LDB3: variants seen among roughly 807,000 people sequenced by gnomAD.
LDB3 encodes the protein LIM domain binding 3.
In LDB3, 49 loss-of-function variants were observed where a neutral mutation model predicts 69.0. The observed-to-expected ratio is 0.71, with a 90% confidence interval of 0.56 to 0.90. The LOEUF (loss-of-function observed/expected upper bound fraction) is 0.90, where lower values mean the gene tolerates loss of function less well. Among genes scored for constraint, LDB3 ranks in the 40% least tolerant of loss-of-function variants. The pLI is 0.00. For synonymous variants in LDB3, 387 were observed against 396.2 expected, an observed-to-expected ratio of 0.98 and a Z score of 0.28; for missense variants, 928 against 974.1, an observed-to-expected ratio of 0.95 and a Z score of 0.63.
rs1350612299 is a variant in LDB3 at position 86,710,068 on chromosome 10, A to G, written c.1231+18A>G. The stretch of plus-strand genomic sequence containing the variant: ...CCAGCCAGGTAAGAGGCAGAGCAGG[A>G]GGGGAGGCTGTCGAAAGCCATGGGC... On this transcript the variant is annotated intron_variant, in intron 9 of 13. Coordinates refer to ENST00000361373, the MANE Select transcript of LDB3 (RefSeq NM_007078.3). 1 of 1,611,388 alleles carries G rather than the reference A, an allele frequency of 6.2e-7. No individual in the cohort carries two copies. Among genetic ancestry groups the G allele is most frequent in the African/African-American group, 1.3e-5 (1 of 74,936 alleles).
Position 86,733,040 on chromosome 10 carries a change from C to T in LDB3, c.*64C>T, listed in dbSNP as rs756364513. The T allele has an allele frequency of 1.6e-5, 18 of 1,138,148 alleles. No homozygotes were observed. Among genetic ancestry groups the T allele is most frequent in the Admixed American group, 3.7e-5 (2 of 53,634 alleles). 70.5% of individuals were successfully genotyped at this position (1,138,148 alleles called of 1,614,324 possible). Reference sequence around the variant, plus strand: ...CTCCTGCTGCTGGCAACAAAGGATTCGGGAGGCTGATGTTTCTTCTGAGGG... The same window carrying T: ...CTCCTGCTGCTGGCAACAAAGGATTTGGGAGGCTGATGTTTCTTCTGAGGG... On this transcript the variant is annotated 3_prime_UTR_variant, in exon 14 of 14. Transcript: ENST00000361373.
chr10:86,676,436 G>T (rs1399406991), intron 2 of LDB3, among the ~76,000 whole-genome samples: 2 of 152,124 alleles, frequency 1.3e-5, no homozygotes, highest in Non-Finnish European at 2.9e-5. Flanking sequence ...GGTGGCATGC[G>T]CTTGTGGTCT....
intron 5 of LDB3, among the ~76,000 whole-genome samples, chr10:86,686,310 G>A (rs1048724888): frequency 5.9e-5 from 9 of 152,218 alleles, no homozygotes; most frequent in African/African-American, 9.6e-5. Context: ...GAATCCCTGC[G>A]GGTGCCAGTG....
Position 86,733,087 on chromosome 10 carries a change from G to T in LDB3, c.*111G>T, listed in dbSNP as rs753087057. 2 of 773,172 alleles carry T rather than the reference G, an allele frequency of 2.6e-6. No individual in the cohort carries two copies. Among genetic ancestry groups the T allele is most frequent in the Admixed American group, 4.1e-5 (2 of 48,422 alleles). The allele number at this position is 773,172 out of a possible 1,614,324, so 47.9% of individuals were successfully genotyped here. On this transcript the variant is annotated 3_prime_UTR_variant, in exon 14 of 14. Transcript: ENST00000361373. ...AGGGGAATGGGGAGAGAGAGGAAGC[G>T]ACTGAGCCCTTTGGAAGTATAATTT...
In LDB3 at chr10:86,691,932, C is replaced by T. The variant is rs1845782655; in HGVS notation, c.726C>T (p.Ala242=). 6.2e-7 allele frequency: 1 copy of T among 1,614,184 alleles called. No homozygotes were observed. The highest frequency in any genetic ancestry group is 8.5e-7 in the Non-Finnish European group (1 of 1,180,048). ...TTAAGGACCTTGCCGTAGACAGCGC[C>T]TCTCCCGTCTACCAGGCTGTGATTA... ...LPIKDLAVDS[A]SPVYQAVIKS... The change falls in exon 6 of 14, where the codon GCC becomes GCT. Residue 242 remains alanine (A), a synonymous_variant. Coordinates refer to ENST00000361373, the MANE Select transcript of LDB3 (RefSeq NM_007078.3).
intron 5 of LDB3, among the ~76,000 whole-genome samples, chr10:86,682,799 C>T (rs538815212): frequency 6.6e-6 from 1 of 152,214 alleles, no homozygotes; most frequent in Non-Finnish European, 1.5e-5. Flanking sequence ...CACCTGGTAT[C>T]ATCACTGCCT....
chr10:86,667,718 T>A (rs772849541), upstream of LDB3, among the ~76,000 whole-genome samples: 1 of 152,174 alleles, frequency 6.6e-6, no homozygotes, highest in Non-Finnish European at 1.5e-5. Context: ...GAGCCAGGAA[T>A]AACTGGCTGG....
intron 7 of LDB3, among the ~76,000 whole-genome samples, chr10:86,693,240 G>C (rs1359578233): frequency 6.6e-6 from 1 of 152,154 alleles, no homozygotes; most frequent in Non-Finnish European, 1.5e-5. Flanking sequence ...GCATGGGGGG[G>C]GGCATGCCAT....
upstream of LDB3, chr10:86,666,850 T>C: frequency 2.2e-6 from 1 of 464,900 alleles, no homozygotes. Flanking sequence ...CAGCTCCAGG[T>C]ACAGCCTCCC....
intron 7 of LDB3, among the ~76,000 whole-genome samples, chr10:86,704,170 G>T (rs1846360709): frequency 2.0e-5 from 3 of 151,790 alleles, no homozygotes; most frequent in Non-Finnish European, 2.9e-5. Flanking sequence ...GCTCAGTTCT[G>T]CCCCAGACCT....
chr10:86,692,758 AC>A (rs1845827705), intron 7 of LDB3, among the ~76,000 whole-genome samples, 187 bp downstream of exon 7: 1 of 152,096 alleles, frequency 6.6e-6, no homozygotes. Flanking sequence ...GGGCACCTGG[AC>A]CCGAGTCTCT....
chr10:86,715,894 C>T (rs943029692), intron 9 of LDB3, among the ~76,000 whole-genome samples: 91 of 152,318 alleles, frequency 6.0e-4, no homozygotes, highest in African/African-American at 2.1e-3. Flanking sequence ...AAACTTATGC[C>T]AAGGGAGGTA....
upstream of LDB3, chr10:86,668,302 G>C (rs751312062): frequency 1.8e-5 from 6 of 342,308 alleles, no homozygotes; most frequent in Non-Finnish European, 3.4e-5. Context: ...AAGGAGACCA[G>C]AGCATTCTCA....
chr10:86,678,329 A>AACAG (rs1844917587), intron 2 of LDB3, among the ~76,000 whole-genome samples: 1 of 120,926 alleles, frequency 8.3e-6, no homozygotes, highest in African/African-American at 3.2e-5. Context: ...GAGCCACCAC[A>AACAG]CCTGGCCACC....
chr10:86,709,864 G>A, intron 8 of LDB3, 41 bp from the exon 9 acceptor site: 2 of 1,602,242 alleles, frequency 1.2e-6, no homozygotes, highest in South Asian at 1.1e-5. Context: ...CCCCAGTGGG[G>A]GCTGTCCTTC....
rs772117977 is a variant in LDB3, at chr10:86,709,893, G to A, written c.1086-12G>A. ...GTCCTTCTGGGTGTAACCCCTCCCC[G>A]CTTGGTTCCAGGCCCCAGGCCTCTT... On this transcript the variant is annotated splice_polypyrimidine_tract_variant and intron_variant, in intron 8 of 13. Coordinates refer to ENST00000361373, the MANE Select transcript of LDB3 (RefSeq NM_007078.3). 1.1e-5 allele frequency: 17 copies of A among 1,607,910 alleles called. No individual in the cohort carries two copies. The highest frequency in any genetic ancestry group is 1.3e-5 in the African/African-American group (1 of 74,914).
chr10:86,676,154 G>A (rs552530671), intron 2 of LDB3, among the ~76,000 whole-genome samples: 1 of 152,386 alleles, frequency 6.6e-6, no homozygotes, highest in South Asian at 2.1e-4. Flanking sequence ...TTGCAAAGCA[G>A]ATGCTGTGGC....
chr10:86,667,237 G>A (rs977897634), upstream of LDB3, among the ~76,000 whole-genome samples: 4 of 152,120 alleles, frequency 2.6e-5, no homozygotes, highest in African/African-American at 9.7e-5. Context: ...GGCCCCAGGA[G>A]TGAGGCTAGA....
intron 9 of LDB3, among the ~76,000 whole-genome samples, chr10:86,715,380 T>C (rs559072828): frequency 9.9e-4 from 150 of 152,084 alleles, no homozygotes; most frequent in African/African-American, 3.5e-3. Flanking sequence ...GCCTGCAGGG[T>C]GCAGCTGGGT....
Sources: allele counts gnomAD v4.1 joint callset (sites outside exome capture counted in the v4.1 genomes callset), GRCh38; gene constraint gnomAD v4.1.1; transcripts MANE v1.5; gene names NCBI Gene and HGNC (gene_info 2026-07-23, HGNC 2026-07-21).